Variants in PRKCA observed in about 807,000 individuals in gnomAD.
The protein encoded by PRKCA is protein kinase C alpha.
PRKCA carries 27 observed loss-of-function variants against 87.0 expected under a neutral mutation model. That is an observed-to-expected ratio of 0.31 (90% CI 0.23 to 0.43). The LOEUF (loss-of-function observed/expected upper bound fraction) is 0.43. Among genes scored for constraint, PRKCA ranks in the 20% least tolerant of loss-of-function variants. The probability of loss-of-function intolerance (pLI) is 1.00; values close to 1 mark genes in which losing one functional copy is unlikely to be tolerated. For missense variants in PRKCA, 518 were observed against 852.3 expected, an observed-to-expected ratio of 0.61 and a Z score of 4.88; for synonymous variants, 329 against 311.1, an observed-to-expected ratio of 1.06 and a Z score of -0.61.
chr17:66,765,455 T>TATATATATATATA (rs1974790127), intron 13 of PRKCA, among the ~76,000 whole-genome samples: 1 of 97,774 alleles, frequency 1.0e-5, no homozygotes, highest in African/African-American at 3.8e-5. Context: ...TATATATATA[T>TATATATATATATA]CCATATATAT....
intron 16 of PRKCA, among the ~76,000 whole-genome samples, chr17:66,802,409 C>T (rs958482425): frequency 6.6e-6 from 1 of 151,988 alleles, no homozygotes; most frequent in Non-Finnish European, 1.5e-5. Context: ...CCTGTAATCC[C>T]AGCTACTCGG....
intron 2 of PRKCA, among the ~76,000 whole-genome samples, chr17:66,313,372 A>T (rs976884508): frequency 6.6e-6 from 1 of 152,240 alleles, no homozygotes; most frequent in Non-Finnish European, 1.5e-5. Flanking sequence ...AAGCATACTT[A>T]TTCAAAAGAG....
At chr17:66,609,315 C>T (rs908554632) in intron 3 of PRKCA, among the ~76,000 whole-genome samples, 2 of 152,030 alleles carry the variant, frequency 1.3e-5, no homozygotes, top group African/African-American at 4.8e-5. Flanking sequence ...ACTACTTTGC[C>T]GCTAGTTAGT....
At chr17:66,453,319 T>A (rs1475092487) in intron 2 of PRKCA, among the ~76,000 whole-genome samples, 1 of 151,146 alleles carries the variant, frequency 6.6e-6, no homozygotes, top group African/African-American at 2.4e-5. Context: ...TTTTTTTCTT[T>A]TTTTTTTTCT....
At chr17:66,570,704 G>A (rs1486923098) in intron 3 of PRKCA, among the ~76,000 whole-genome samples, 1 of 152,154 alleles carries the variant, frequency 6.6e-6, no homozygotes, top group East Asian at 1.9e-4. Context: ...TATATGTAAT[G>A]TCTTGATATA....
chr17:66,767,142 A>G (rs1974828131), intron 13 of PRKCA, among the ~76,000 whole-genome samples: 1 of 152,312 alleles, frequency 6.6e-6, no homozygotes, highest in South Asian at 2.1e-4. Flanking sequence ...CTTTAAACTT[A>G]GAGAACCTAT....
intron 8 of PRKCA, among the ~76,000 whole-genome samples, chr17:66,694,940 G>T (rs940287522): frequency 1.5e-4 from 23 of 151,992 alleles, no homozygotes; most frequent in African/African-American, 5.3e-4. Flanking sequence ...GCCTACTTGG[G>T]CTACATCTAC....
chr17:66,351,263 A>G (rs114366286), intron 2 of PRKCA, among the ~76,000 whole-genome samples: 2,790 of 152,344 alleles, frequency 0.018, 54 homozygotes, highest in African/African-American at 0.048. Context: ...CCTTCAGGCT[A>G]TGGGCGCGTG....
intron 3 of PRKCA, among the ~76,000 whole-genome samples, chr17:66,573,136 A>G (rs1358587400): frequency 6.6e-6 from 1 of 152,148 alleles, no homozygotes; most frequent in Non-Finnish European, 1.5e-5. Context: ...CATGACATAC[A>G]CTCTGGGAAA....
intron 16 of PRKCA, among the ~76,000 whole-genome samples, chr17:66,795,770 G>A (rs1975651270): frequency 6.6e-6 from 1 of 152,168 alleles, no homozygotes; most frequent in Non-Finnish European, 1.5e-5. Flanking sequence ...TGGAAAAAGA[G>A]CTTTAAATCC....
At chr17:66,418,918 A>ATTT (rs34806174) in intron 2 of PRKCA, among the ~76,000 whole-genome samples, 1 of 141,572 alleles carries the variant, frequency 7.1e-6, no homozygotes, top group African/African-American at 2.6e-5. Context: ...CGCCCGGCTA[A>ATTT]TTTTTTTTTT....
Position 66,671,047 on chromosome 17 carries a change from T to C in PRKCA, c.530-16064T>C, listed in dbSNP as rs150662188. ...CAACCTAGCAAAACCCCATCTCTAC[T>C]AAAAATACAAAAAATTAGCCTGGTG... On this transcript the variant is annotated intron_variant, in intron 5 of 16. Coordinates refer to ENST00000413366, the MANE Select transcript of PRKCA (RefSeq NM_002737.3). Among the ~76,000 whole-genome samples, 886 of 149,444 alleles carry C rather than the reference T, an allele frequency of 5.9e-3. 7 individuals are homozygous for C. The highest frequency in any genetic ancestry group is 6.0e-3 in the Non-Finnish European group (403 of 67,344).
Position 66,377,121 on chromosome 17 carries a change from G to A in PRKCA, c.205+70994G>A, listed in dbSNP as rs9911569. On this transcript the variant is annotated intron_variant, in intron 2 of 16. Coordinates refer to ENST00000413366, the MANE Select transcript of PRKCA (RefSeq NM_002737.3). ...GCTCACTGCAACCTCTGCCTTCCAG[G>A]TTCAAGCGATTTTCCTGCCTCAGCC... Among the ~76,000 whole-genome samples, 551 of 152,222 alleles carry A rather than the reference G, an allele frequency of 3.6e-3. 5 individuals are homozygous for A. The highest frequency in any genetic ancestry group is 0.013 in the African/African-American group (530 of 41,536).
chr17:66,652,655 G>A (rs897696961), intron 5 of PRKCA, among the ~76,000 whole-genome samples: 16 of 152,274 alleles, frequency 1.1e-4, no homozygotes, highest in African/African-American at 3.6e-4. Flanking sequence ...AGTGATATAG[G>A]TGTTCACTGT....
In PRKCA at chr17:66,608,163, AAGCACACTGATTGG is replaced by A. The variant is rs1395707148; in HGVS notation, c.289-33184_289-33171del. The stretch of plus-strand genomic sequence containing the variant: ...CACACCGATTGGAGCACACTGACTG[AAGCACACTGATTGG>A]AGCACACCGATTGGAGCACACCAAT... On this transcript the variant is annotated intron_variant, in intron 3 of 16. Transcript: ENST00000413366. Among the ~76,000 whole-genome samples the A allele has an allele frequency of 2.0e-5, 3 of 151,610 alleles. No individual in the cohort carries two copies. The East Asian group carries it at 5.8e-4, about 29-fold the overall frequency.
At chr17:66,511,099 C>A (rs1917208702) in intron 3 of PRKCA, among the ~76,000 whole-genome samples, 1 of 152,142 alleles carries the variant, frequency 6.6e-6, no homozygotes, top group African/African-American at 2.4e-5. Flanking sequence ...TGATGAATGC[C>A]TTTAGGAAAG....
intron 2 of PRKCA, among the ~76,000 whole-genome samples, chr17:66,351,341 C>A (rs922196585): frequency 5.9e-4 from 90 of 152,324 alleles, no homozygotes; most frequent in African/African-American, 2.1e-3. Flanking sequence ...GTTTTGGTGC[C>A]CCCGTTTCTG....
chr17:66,745,967 G>A (rs963282742), intron 13 of PRKCA, among the ~76,000 whole-genome samples: 2 of 152,168 alleles, frequency 1.3e-5, no homozygotes, highest in South Asian at 4.1e-4. Flanking sequence ...ATGGTGCCAC[G>A]AGGGATACAA....
chr17:66,740,418 A>G (rs1308180617), intron 11 of PRKCA, among the ~76,000 whole-genome samples: 1 of 152,116 alleles, frequency 6.6e-6, no homozygotes, highest in Non-Finnish European at 1.5e-5. Context: ...GGGGGCATGT[A>G]CCCTGATGAA....
Sources: gnomAD v4.1 joint callset for allele counts (sites outside exome capture counted in the v4.1 genomes callset) on GRCh38, gnomAD v4.1.1 for gene constraint, MANE v1.5 for transcripts, NCBI Gene and HGNC (gene_info 2026-07-23, HGNC 2026-07-21) for gene names.